The following MARCHF1 variants were observed in gnomAD, a reference collection of about 807,000 sequenced individuals.
MARCHF1 encodes the protein E3 ubiquitin-protein ligase MARCHF1.
In MARCHF1, 40 loss-of-function variants were observed where a neutral mutation model predicts 54.2. The observed-to-expected ratio is 0.74, with a 90% confidence interval of 0.57 to 0.96. MARCHF1 has a LOEUF of 0.96. MARCHF1 is among the 40% of genes least tolerant of loss of function. The probability of loss-of-function intolerance (pLI) is 0.00; values close to 1 mark genes in which losing one functional copy is unlikely to be tolerated. For synonymous variants in MARCHF1, 236 were observed against 236.3 expected (o/e 1.00, Z 0.01); for missense variants, 586 against 656.5 (o/e 0.89, Z 1.17).
At chr4:164,195,366 T>C (rs1731227250) in intron 1 of MARCHF1, among the ~76,000 whole-genome samples, 1 of 152,208 alleles carries the variant, frequency 6.6e-6, no homozygotes, top group Non-Finnish European at 1.5e-5. Context: ...GAAAATTTAC[T>C]TTTTACGTTA....
At chr4:163,665,722 A>C (rs1319245456) in intron 5 of MARCHF1, among the ~76,000 whole-genome samples, 1 of 152,172 alleles carries the variant, frequency 6.6e-6, no homozygotes, top group Non-Finnish European at 1.5e-5. Flanking sequence ...TAGAAATCTG[A>C]CCACTGCCAT....
At chr4:163,957,613 T>C (rs1282325717) in intron 3 of MARCHF1, among the ~76,000 whole-genome samples, 1 of 152,070 alleles carries the variant, frequency 6.6e-6, no homozygotes, top group Non-Finnish European at 1.5e-5. Flanking sequence ...ACTGAACTCT[T>C]GGTTTCCTTT....
chr4:164,005,832 C>T (rs778238632), intron 2 of MARCHF1, among the ~76,000 whole-genome samples: 1 of 152,094 alleles, frequency 6.6e-6, no homozygotes, highest in East Asian at 1.9e-4. Context: ...GCATAAACAC[C>T]TATCCAGCCT....
At chr4:164,081,109 G>A (rs1182010447) in intron 2 of MARCHF1, among the ~76,000 whole-genome samples, 1 of 141,230 alleles carries the variant, frequency 7.1e-6, no homozygotes, top group Non-Finnish European at 1.5e-5. Context: ...TTGAGAGGCT[G>A]AGGCAGGAGA....
intron 5 of MARCHF1, among the ~76,000 whole-genome samples, chr4:163,687,477 C>CA (rs1283513680): frequency 6.6e-6 from 1 of 152,010 alleles, no homozygotes; most frequent in African/African-American, 2.4e-5. Flanking sequence ...TAGCACAAAC[C>CA]AAGTACAAAA....
At chr4:163,987,457 T>TC (rs1440030387) in intron 3 of MARCHF1, among the ~76,000 whole-genome samples, 1 of 152,236 alleles carries the variant, frequency 6.6e-6, no homozygotes, top group African/African-American at 2.4e-5. Flanking sequence ...TACTCAAATT[T>TC]ATTAGTCTTT....
At chr4:163,784,484 G>A (rs1579284677) in intron 4 of MARCHF1, among the ~76,000 whole-genome samples, 1 of 152,226 alleles carries the variant, frequency 6.6e-6, no homozygotes, top group South Asian at 2.1e-4. Flanking sequence ...TTTATGCCAT[G>A]AGGAATCCTA....
chr4:163,899,303 G>A (rs1022901311), intron 3 of MARCHF1, among the ~76,000 whole-genome samples: 3 of 152,046 alleles, frequency 2.0e-5, no homozygotes, highest in Non-Finnish European at 4.4e-5. Context: ...CTTTTTCCAA[G>A]GTCACTAATG....
At chr4:163,622,010 T>C (rs559999380) in intron 5 of MARCHF1, among the ~76,000 whole-genome samples, 4 of 152,154 alleles carry the variant, frequency 2.6e-5, no homozygotes, top group African/African-American at 9.6e-5. Flanking sequence ...CAGATGGACC[T>C]GAGATAGTTC....
intron 1 of MARCHF1, among the ~76,000 whole-genome samples, chr4:164,221,653 A>G (rs865867661): frequency 2.6e-5 from 4 of 151,964 alleles, no homozygotes; most frequent in Admixed American, 1.3e-4. Context: ...CTTCAGAAAT[A>G]TAGGATCTTT....
At chr4:163,737,960 G>A (rs1020389098) in intron 4 of MARCHF1, among the ~76,000 whole-genome samples, 1 of 76,304 alleles carries the variant, frequency 1.3e-5, no homozygotes, top group Non-Finnish European at 4.6e-5. Flanking sequence ...ACATGCACAC[G>A]TATGTTTATT....
intron 5 of MARCHF1, among the ~76,000 whole-genome samples, chr4:163,614,929 G>A (rs1363249805): frequency 6.6e-6 from 1 of 152,066 alleles, no homozygotes; most frequent in African/African-American, 2.4e-5. Context: ...GGTGAAAAAA[G>A]GGAAACCCTG....
At chr4:164,145,553 C>T (rs1729658576) in intron 1 of MARCHF1, among the ~76,000 whole-genome samples, 1 of 152,082 alleles carries the variant, frequency 6.6e-6, no homozygotes, top group African/African-American at 2.4e-5. Context: ...AGCATATAAA[C>T]AGAAGCAAAG....
intron 4 of MARCHF1, among the ~76,000 whole-genome samples, chr4:163,842,657 A>C (rs983489779): frequency 6.6e-6 from 1 of 152,188 alleles, no homozygotes; most frequent in African/African-American, 2.4e-5. Context: ...TTAACGTGTC[A>C]GGTGCTCATG....
rs59965884 is a variant in MARCHF1 at position 164,155,598 on chromosome 4, C to T, written c.-322-43936G>A. 4.6e-3 allele frequency among the ~76,000 whole-genome samples: 707 copies of T among 152,204 alleles called. 6 individuals are homozygous for T. Among genetic ancestry groups the T allele is most frequent in the African/African-American group, 0.016 (651 of 41,536 alleles). On this transcript the variant is annotated intron_variant, in intron 1 of 9. Coordinates refer to ENST00000514618, the MANE Select transcript of MARCHF1 (RefSeq NM_001394959.1). ...TTTTTTCAAAGCAAGTCGAATACCA[C>T]ATGTTCTCACTTACAAGTGGGAGCT...
At chr4:164,139,276 G>A (rs771927480) in intron 1 of MARCHF1, among the ~76,000 whole-genome samples, 42 of 152,106 alleles carry the variant, frequency 2.8e-4, no homozygotes, top group Non-Finnish European at 1.9e-4. Context: ...CAGTAAAGTG[G>A]CTTCACAAAA....
Position 163,585,777 on chromosome 4 carries a change from A to C in MARCHF1, c.1163T>G (p.Met388Arg). 1 of 1,611,596 alleles carries C rather than the reference A, an allele frequency of 6.2e-7. No individual in the cohort carries two copies. Among genetic ancestry groups the C allele is most frequent in the African/African-American group, 1.3e-5 (1 of 74,974 alleles). The change falls in exon 8 of 10, where the codon ATG becomes AGG. Residue 388 changes from methionine (M) to arginine (R), a missense_variant. Met to Arg is a moderately conservative substitution (Grantham distance 91). Around this residue, in one of 3 missense-constraint regions of MARCHF1, gnomAD observed 93 missense variants for 168.2 expected, o/e 0.55. Transcript: ENST00000514618. Reference protein sequence around the residue: ...CCELCKYDFIMETKLKPLRKW... With the variant: ...CCELCKYDFIRETKLKPLRKW... ...CCGGAGGGGTTTGAGCTTGGTCTCC[A>C]TTATGAAGTCATACTTGCAGAGCTC...
At chr4:164,251,373 A>G (rs1012136063) in intron 1 of MARCHF1, among the ~76,000 whole-genome samples, 3 of 152,126 alleles carry the variant, frequency 2.0e-5, no homozygotes, top group African/African-American at 7.2e-5. Flanking sequence ...GTAAGCCATG[A>G]GGTTGAGAAC....
chr4:164,338,439 C>A (rs1729821535), intron 1 of MARCHF1, among the ~76,000 whole-genome samples: 1 of 152,066 alleles, frequency 6.6e-6, no homozygotes, highest in Non-Finnish European at 1.5e-5. Flanking sequence ...TCAATGATTA[C>A]CACGAATGTA....
Sources: allele counts gnomAD v4.1 joint callset (sites outside exome capture counted in the v4.1 genomes callset), GRCh38; gene constraint gnomAD v4.1.1; regional missense constraint gnomAD v4.1.1; transcripts MANE v1.5; gene names NCBI Gene and HGNC (gene_info 2026-07-23, HGNC 2026-07-21).